ERG: variants seen among roughly 807,000 people sequenced by gnomAD.
The protein encoded by ERG is transcriptional regulator ERG.
In ERG, 9 loss-of-function variants were observed where a neutral mutation model predicts 55.3. The observed-to-expected ratio is 0.16, with a 90% CI of 0.10 to 0.28. ERG has a LOEUF of 0.28. ERG is among the 10% of genes least tolerant of loss of function. ERG has a pLI of 1.00. For synonymous variants in ERG, 223 were observed against 237.3 expected, an observed-to-expected ratio of 0.94 and a Z score of 0.55; for missense variants, 434 against 631.6, an observed-to-expected ratio of 0.69 and a Z score of 3.35.
intron 1 of ERG, among the ~76,000 whole-genome samples, chr21:38,461,971 AT>A (rs111262391): frequency 1.3e-5 from 2 of 149,194 alleles, no homozygotes; most frequent in African/African-American, 2.5e-5. Context: ...TGCCTGGCTA[AT>A]TTTTTTTTCT....
chr21:38,597,472 T>TAC (rs3065420), intron 1 of ERG, among the ~76,000 whole-genome samples: 38,333 of 148,088 alleles, frequency 0.26, 5,010 homozygotes, highest in Admixed American at 0.3. Flanking sequence ...TATATATATC[T>TAC]ACACACACAC....
At chr21:38,661,505 A>T in intron 1 of ERG, among the ~76,000 whole-genome samples, 1 of 152,166 alleles carries the variant, frequency 6.6e-6, no homozygotes, top group East Asian at 1.9e-4. Flanking sequence ...GCACGCGGTG[A>T]CAGCCGCCCT....
chr21:38,624,073 C>A (rs1405655996), intron 1 of ERG, among the ~76,000 whole-genome samples: 1 of 152,154 alleles, frequency 6.6e-6, no homozygotes, highest in Non-Finnish European at 1.5e-5. Flanking sequence ...ATATGTGAAG[C>A]CTTCAAGAAA....
rs1460658559 is a variant in ERG, at chr21:38,460,589, T to C, written c.19-14968A>G. Among the ~76,000 whole-genome samples, 1 of 152,192 alleles carries C rather than the reference T, an allele frequency of 6.6e-6. No homozygotes were observed. Among genetic ancestry groups the C allele is most frequent in the Non-Finnish European group, 1.5e-5 (1 of 68,032 alleles). On this transcript the variant is annotated intron_variant, in intron 1 of 9. Transcript: ENST00000288319. The surrounding 1 kb of genome is among the most constrained non-coding windows in gnomAD (Gnocchi z 5.0). Reference sequence around the variant, plus strand: ...CATCACATGCAGAAACTCTGGGAACTGAGAATCTGTACTTTTCATTCAGAG... The same window carrying C: ...CATCACATGCAGAAACTCTGGGAACCGAGAATCTGTACTTTTCATTCAGAG...
chr21:38,523,081 C>A (rs1208641152), intron 2 of ERG, among the ~76,000 whole-genome samples: 1 of 152,060 alleles, frequency 6.6e-6, no homozygotes, highest in South Asian at 2.1e-4. Flanking sequence ...CTGGGTGAGG[C>A]CAGTTTTCTA....
intron 2 of ERG, among the ~76,000 whole-genome samples, chr21:38,570,815 C>T (rs1416479952): frequency 6.6e-6 from 1 of 152,204 alleles, no homozygotes; most frequent in Non-Finnish European, 1.5e-5. Context: ...GGATTCACAG[C>T]TGGCGACCAC....
At chr21:38,479,929 A>T (rs1038929766) in intron 1 of ERG, among the ~76,000 whole-genome samples, 2 of 152,132 alleles carry the variant, frequency 1.3e-5, no homozygotes, top group African/African-American at 4.8e-5. Context: ...TCACCTTTTC[A>T]CTGAAAGAAA....
intron 2 of ERG, among the ~76,000 whole-genome samples, chr21:38,570,145 G>A (rs1601254237): frequency 6.6e-6 from 1 of 152,298 alleles, no homozygotes; most frequent in South Asian, 2.1e-4. Context: ...AAAAGTGCTT[G>A]TACAAACTCA....
rs546383936 is a variant in ERG, at chr21:38,466,476, A to G, written c.19-20855T>C. Reference sequence around the variant, plus strand: ...TTAATTGAAAAGTACAGTTTGTTTCACATTTGCAGGAGTGGTTTAATTCCT... The same window carrying G: ...TTAATTGAAAAGTACAGTTTGTTTCGCATTTGCAGGAGTGGTTTAATTCCT... On this transcript the variant is annotated intron_variant, in intron 1 of 9. Transcript: ENST00000288319. 4.7e-4 allele frequency among the ~76,000 whole-genome samples: 72 copies of G among 152,224 alleles called. 2 individuals carry two copies. The South Asian group carries it at 0.015, about 31-fold the overall frequency.
intron 1 of ERG, among the ~76,000 whole-genome samples, chr21:38,447,065 C>G (rs2058898881): frequency 6.6e-6 from 1 of 152,020 alleles, no homozygotes; most frequent in African/African-American, 2.4e-5. Context: ...TTCCTCTCCA[C>G]CCAGAAGGAT....
intron 2 of ERG, among the ~76,000 whole-genome samples, chr21:38,506,470 A>T (rs1397152788): frequency 6.6e-6 from 1 of 152,208 alleles, no homozygotes; most frequent in Non-Finnish European, 1.5e-5. Flanking sequence ...GTATTTTGGA[A>T]TATGCATGGA....
intron 1 of ERG, among the ~76,000 whole-genome samples, chr21:38,602,269 C>T (rs904830601): frequency 4.6e-5 from 7 of 151,924 alleles, no homozygotes; most frequent in African/African-American, 1.5e-4. Flanking sequence ...ATGGTGAAAC[C>T]CCGTCTCTAC....
intron 1 of ERG, among the ~76,000 whole-genome samples, chr21:38,592,571 C>CTGTGTG (rs56195027): frequency 0.017 from 2,462 of 148,044 alleles, 55 homozygotes; most frequent in East Asian, 0.092. Context: ...TCTCCCTTCA[C>CTGTGTG]TGTGTGTGTG....
At chr21:38,377,278 C>T (rs1987269191), downstream of ERG, among the ~76,000 whole-genome samples, 1 of 152,158 alleles carries the variant, frequency 6.6e-6, no homozygotes, top group Non-Finnish European at 1.5e-5. Flanking sequence ...AAATGATATC[C>T]ATTGGGAGGC....
At chr21:38,659,508 T>C (rs114965716) in intron 1 of ERG, among the ~76,000 whole-genome samples, 2,274 of 152,272 alleles carry the variant, frequency 0.015, 52 homozygotes, top group African/African-American at 0.052. Flanking sequence ...CTAAACTACT[T>C]GGAGAGAATG....
At chr21:38,432,091 A>C (rs1176637627) in intron 2 of ERG, among the ~76,000 whole-genome samples, 2 of 152,104 alleles carry the variant, frequency 1.3e-5, no homozygotes. Context: ...TCTAGATTTG[A>C]TTTGATTTTA....
At chr21:38,410,917 GA>G (rs1989017704) in intron 3 of ERG, among the ~76,000 whole-genome samples, 1 of 152,056 alleles carries the variant, frequency 6.6e-6, no homozygotes, top group Non-Finnish European at 1.5e-5. Context: ...TCTTGGTTAT[GA>G]AAAAAACATC....
intron 1 of ERG, among the ~76,000 whole-genome samples, chr21:38,590,192 G>T (rs2060091304): frequency 6.6e-6 from 1 of 152,244 alleles, no homozygotes; most frequent in Non-Finnish European, 1.5e-5. Flanking sequence ...AATAAACAAA[G>T]GCTATGATGA....
intron 2 of ERG, among the ~76,000 whole-genome samples, chr21:38,509,059 C>T (rs560978435): frequency 1.3e-5 from 2 of 152,344 alleles, no homozygotes; most frequent in East Asian, 1.9e-4. Flanking sequence ...CCAGCCCCAA[C>T]CGGCACTTGA....
Sources: gnomAD v4.1 joint callset for allele counts (sites outside exome capture counted in the v4.1 genomes callset) on GRCh38, gnomAD v4.1.1 for gene constraint, Gnocchi (gnomAD v3.1) non-coding constraint, MANE v1.5 for transcripts, NCBI Gene and HGNC (gene_info 2026-07-23, HGNC 2026-07-21) for gene names.